OSBPL9: variants seen among roughly 807,000 people sequenced by gnomAD.
The protein encoded by OSBPL9 is oxysterol-binding protein-related protein 9.
In OSBPL9, 40 loss-of-function variants were observed where a neutral mutation model predicts 106.6. That is an observed-to-expected ratio of 0.38 (90% confidence interval 0.29 to 0.49). OSBPL9 has a LOEUF of 0.49. Ranked by LOEUF, OSBPL9 falls within the 20% of genes least tolerant of loss-of-function variation. OSBPL9 has a pLI of 0.97. For synonymous variants in OSBPL9, 269 were observed against 295.4 expected, an observed-to-expected ratio of 0.91 and a Z score of 0.92; for missense variants, 609 against 887.2, an observed-to-expected ratio of 0.69 and a Z score of 3.98.
intron 4 of OSBPL9, among the ~76,000 whole-genome samples, chr1:51,736,143 G>A (rs1025718409): frequency 1.3e-5 from 2 of 152,120 alleles, no homozygotes; most frequent in Admixed American, 6.5e-5. Context: ...ACACTAGCCC[G>A]GTGGAGATAG....
intron 3 of OSBPL9, among the ~76,000 whole-genome samples, chr1:51,673,282 T>C (rs2148773749): frequency 6.6e-6 from 1 of 152,342 alleles, no homozygotes; most frequent in South Asian, 2.1e-4. Context: ...GATTTAATAC[T>C]GAGAAGTTTA....
At chr1:51,562,462 T>C in the OSBPL9 span, among the ~76,000 whole-genome samples, 1 of 152,198 alleles carries the variant, frequency 6.6e-6, no homozygotes, top group Non-Finnish European at 1.5e-5. Context: ...AAGCCTCTTT[T>C]CTTTATAAAT....
chr1:51,628,438 G>T (rs899636012), intron 1 of OSBPL9, among the ~76,000 whole-genome samples: 1 of 151,678 alleles, frequency 6.6e-6, no homozygotes, highest in African/African-American at 2.4e-5. Flanking sequence ...TCCTACGCTG[G>T]CCTGGTGCAG....
At chr1:51,647,507 A>G (rs1181132196) in intron 1 of OSBPL9, among the ~76,000 whole-genome samples, 1 of 152,166 alleles carries the variant, frequency 6.6e-6, no homozygotes, top group Admixed American at 6.5e-5. Context: ...TAAACATTTT[A>G]TAGAACTCAC....
At chr1:51,570,743 CAAGTGAGT>C in the OSBPL9 span, among the ~76,000 whole-genome samples, 6 of 152,146 alleles carry the variant, frequency 3.9e-5, no homozygotes, top group African/African-American at 1.4e-4. Flanking sequence ...TGGTGAAGGT[CAAGTGAGT>C]AAGAGATCTG....
intron 1 of OSBPL9, among the ~76,000 whole-genome samples, chr1:51,648,318 G>A (rs1405783626): frequency 2.0e-5 from 3 of 152,202 alleles, no homozygotes; most frequent in African/African-American, 7.2e-5. Flanking sequence ...TGGCAGCTGG[G>A]ACTTTCCTCC....
chr1:51,773,170 C>T (rs1228430413), intron 14 of OSBPL9, among the ~76,000 whole-genome samples: 2 of 152,184 alleles, frequency 1.3e-5, no homozygotes, highest in Admixed American at 1.3e-4. Flanking sequence ...TTTGTGACCT[C>T]TGTCTCCCAG....
At chr1:51,691,743 AT>A (rs568831792) in intron 3 of OSBPL9, among the ~76,000 whole-genome samples, 42 of 151,340 alleles carry the variant, frequency 2.8e-4, no homozygotes, top group South Asian at 1.0e-3. Context: ...TCTATTTAAG[AT>A]TTTTTTTTAT....
At chr1:51,767,180 G>C (rs2149088569) in intron 12 of OSBPL9, among the ~76,000 whole-genome samples, 1 of 152,142 alleles carries the variant, frequency 6.6e-6, no homozygotes, top group Non-Finnish European at 1.5e-5. Context: ...GATCAGTTGA[G>C]CCCAGGAGTT....
the OSBPL9 span, among the ~76,000 whole-genome samples, chr1:51,571,108 A>G: frequency 6.6e-6 from 1 of 152,136 alleles, no homozygotes; most frequent in African/African-American, 2.4e-5. Context: ...AGCTCTCTGT[A>G]CTTTCCTGGG....
Position 51,761,859 on chromosome 1 carries a change from TCTC to T in OSBPL9, c.674-5_674-3del. ...CTGTACCTTATTTTATACGTTCAAA[TCTC>T]CTAGAACCTGTTCAGTTGTGTAAGT... On this transcript the variant is annotated splice_region_variant and splice_polypyrimidine_tract_variant and intron_variant, in intron 10 of 23. Coordinates refer to ENST00000428468, the MANE Select transcript of OSBPL9 (RefSeq NM_024586.6). 6.3e-7 allele frequency: 1 copy of T among 1,596,552 alleles called. No homozygotes were observed. Among genetic ancestry groups the T allele is most frequent in the Non-Finnish European group, 8.6e-7 (1 of 1,164,432 alleles).
chr1:51,579,856 A>AAATAATAATAATTATAATAAT (rs1645210690), intron 1 of OSBPL9, among the ~76,000 whole-genome samples: 1 of 143,844 alleles, frequency 7.0e-6, no homozygotes, highest in Admixed American at 7.0e-5. Context: ...CTCTGTCTCA[A>AAATAATAATAATTATAATAAT]AATAATAATA....
At chr1:51,542,780 C>T in the OSBPL9 span, among the ~76,000 whole-genome samples, 1 of 152,178 alleles carries the variant, frequency 6.6e-6, no homozygotes. Context: ...GTGCTGGAAT[C>T]CTAACTCAGG....
intron 2 of OSBPL9, among the ~76,000 whole-genome samples, chr1:51,608,680 G>GT (rs906513529): frequency 1.3e-5 from 2 of 151,250 alleles, no homozygotes; most frequent in Admixed American, 6.6e-5. Flanking sequence ...CCTGGATTGG[G>GT]GGGGGGGGCT....
At position 51,729,823 on chromosome 1, in the gene OSBPL9, T is replaced by C. The variant is rs923000633; in HGVS notation, c.319-15713T>C. The C allele has an allele frequency of 1.7e-6, 2 of 1,207,014 alleles. No homozygotes were observed. Among genetic ancestry groups the C allele is most frequent in the African/African-American group, 1.8e-5 (1 of 55,614 alleles). 74.8% of individuals were successfully genotyped at this position (1,207,014 alleles called of 1,614,324 possible). A position where few individuals can be genotyped will look rare whatever the true frequency, so the allele number is the denominator to read the frequency against. ...GGAAAGGGGTGGGGGGTGAAGGGGG[T>C]GAAGGGGGTGTCCCGGGGGACGGGC... On this transcript the variant is annotated intron_variant, in intron 4 of 23. Transcript: ENST00000428468. The surrounding 1 kb of genome is among the most constrained non-coding windows in gnomAD (Gnocchi z 5.1).
chr1:51,662,741 A>ATTTTTTTTTTTTTTTTTTTTTTTT (rs758385465), intron 2 of OSBPL9, among the ~76,000 whole-genome samples: 1 of 143,224 alleles, frequency 7.0e-6, no homozygotes, highest in African/African-American at 2.8e-5. Context: ...AAAATCAACG[A>ATTTTTTTTTTTTTTTTTTTTTTTT]ATTTTTTTTT....
chr1:51,779,849 A>C (rs1406530553), intron 15 of OSBPL9, among the ~76,000 whole-genome samples: 2 of 152,114 alleles, frequency 1.3e-5, no homozygotes, highest in Non-Finnish European at 2.9e-5. Context: ...AGGCCAAGGC[A>C]GGTGGATCAC....
chr1:51,768,784 T>G (rs1032294142), intron 12 of OSBPL9, among the ~76,000 whole-genome samples: 7 of 152,232 alleles, frequency 4.6e-5, no homozygotes, highest in Admixed American at 2.0e-4. Context: ...CTCATGGGCT[T>G]CTTCTATTCC....
At chr1:51,713,567 C>T (rs1032328528) in intron 3 of OSBPL9, among the ~76,000 whole-genome samples, 3 of 152,168 alleles carry the variant, frequency 2.0e-5, no homozygotes, top group Non-Finnish European at 4.4e-5. Context: ...GTGCATTGTC[C>T]GGTCTGCAAT....
Sources: gnomAD v4.1 joint callset for allele counts (sites outside exome capture counted in the v4.1 genomes callset) on GRCh38, gnomAD v4.1.1 for gene constraint, Gnocchi (gnomAD v3.1) non-coding constraint, MANE v1.5 for transcripts, NCBI Gene and HGNC (gene_info 2026-07-23, HGNC 2026-07-21) for gene names.